APOL3: variants seen among roughly 807,000 people sequenced by gnomAD.
APOL3 encodes TNF-inducible protein CG12-1.
APOL3 carries 14 observed loss-of-function variants against 11.6 expected under a neutral mutation model. That is an observed-to-expected ratio of 1.21 (90% CI 0.80 to 1.89). The LOEUF (loss-of-function observed/expected upper bound fraction) is 1.89, where lower values mean the gene tolerates loss of function less well. Ranked by LOEUF, APOL3 falls within the 40% of genes most tolerant of loss-of-function variation. APOL3 has a pLI of 0.00. For synonymous variants in APOL3, 192 were observed against 190.6 expected (o/e 1.01, Z -0.06); for missense variants, 483 against 492.1 (o/e 0.98, Z 0.17).
intron 1 of APOL3, among the ~76,000 whole-genome samples, chr22:36,150,377 T>C (rs1279035205): frequency 1.3e-5 from 2 of 152,194 alleles, no homozygotes. Flanking sequence ...TAAGATGTTA[T>C]AAATAATAAC....
At chr22:36,160,039 G>A (rs966474252) in intron 1 of APOL3, among the ~76,000 whole-genome samples, 1 of 152,028 alleles carries the variant, frequency 6.6e-6, no homozygotes, top group African/African-American at 2.4e-5. Flanking sequence ...GTGCCACCAC[G>A]CCCAGCTAAT....
exon 3 of APOL3, chr22:36,141,281 C>T: frequency 6.2e-7 from 1 of 1,614,162 alleles, no homozygotes; most frequent in Non-Finnish European, 8.5e-7. Context: ...GAGCCTGCCG[C>T]CTCAGCTCCT....
chr22:36,154,148 A>G (rs2012317237), intron 1 of APOL3, among the ~76,000 whole-genome samples: 1 of 152,212 alleles, frequency 6.6e-6, no homozygotes, highest in Non-Finnish European at 1.5e-5. Flanking sequence ...AATGCCAGAG[A>G]GGCATAATGA....
At chr22:36,160,901 A>C (rs2013655309) in exon 1 of APOL3, 1 of 1,612,062 alleles carries the variant, frequency 6.2e-7, no homozygotes, top group Non-Finnish European at 8.5e-7. Flanking sequence ...TCCTTGGTCC[A>C]GCAGCACCCT....
rs748753968 is a variant in APOL3, at chr22:36,141,553, C to T, written c.856G>A (p.Glu286Lys). 12 of 1,614,052 alleles carry T rather than the reference C, an allele frequency of 7.4e-6. No individual in the cohort carries two copies. The highest frequency in any genetic ancestry group is 2.2e-5 in the East Asian group (1 of 44,886). ...TCACTCCCAATGGTTTGTGTGGCTT[C>T]GTAATAATTATTAAGAAGGGAAAGT... The change falls in exon 3 of 3, where the codon GAA (glutamate) becomes AAA (lysine). Residue 286 changes from glutamate to lysine, a missense_variant. Glu to Lys is a moderately conservative substitution (Grantham distance 56, BLOSUM62 1). Coordinates refer to ENST00000349314, the Ensembl canonical transcript of APOL3.
At chr22:36,155,908 CT>C in intron 1 of APOL3, 1 of 172,840 alleles carries the variant, frequency 5.8e-6, no homozygotes. Flanking sequence ...CGGAAAGGGA[CT>C]TTAGTTCCTG....
intron 2 of APOL3, among the ~76,000 whole-genome samples, chr22:36,144,279 T>C (rs375406169): frequency 6.6e-6 from 1 of 152,156 alleles, no homozygotes; most frequent in Admixed American, 6.5e-5. Context: ...GCCTTCCTGC[T>C]GCTCCTCCAA....
At chr22:36,146,230 A>C (rs1190741687) in intron 1 of APOL3, 1 of 152,080 alleles carries the variant, frequency 6.6e-6, no homozygotes, top group African/African-American at 2.4e-5. Context: ...TCCTGAGAAG[A>C]GTGATTCACC....
chr22:36,163,813 G>A (rs1334320158), upstream of APOL3, among the ~76,000 whole-genome samples: 1 of 152,366 alleles, frequency 6.6e-6, no homozygotes, highest in East Asian at 1.9e-4. Flanking sequence ...AAACCACAGA[G>A]GGCTGCCCAA....
intron 2 of APOL3, 89 bp from the exon 4 acceptor site, chr22:36,142,147 A>G (rs2060021351): frequency 7.2e-7 from 1 of 1,380,832 alleles, no homozygotes; most frequent in East Asian, 2.3e-5. Context: ...TAAATCACAG[A>G]GCTATTACTA....
intron 1 of APOL3, 89 bp from the exon 3 acceptor site, chr22:36,145,688 C>T: frequency 2.7e-6 from 4 of 1,505,588 alleles, no homozygotes; most frequent in Non-Finnish European, 3.6e-6. Flanking sequence ...GTTAATCCTC[C>T]TCAACCAGCT....
chr22:36,160,533 C>G, intron 1 of APOL3, 136 bp downstream of exon 1: 1 of 884,796 alleles, frequency 1.1e-6, no homozygotes, highest in Admixed American at 2.4e-5. Flanking sequence ...AATTCAGGCT[C>G]TGCCATGGAC....
chr22:36,155,461 C>G (rs1418706448), intron 1 of APOL3, among the ~76,000 whole-genome samples: 1 of 152,154 alleles, frequency 6.6e-6, no homozygotes, highest in Admixed American at 6.5e-5. Context: ...ATCCAGGTGT[C>G]TATTGTCTGG....
exon 3 of APOL3, chr22:36,141,062 A>G: frequency 7.6e-7 from 1 of 1,313,628 alleles, no homozygotes; most frequent in Non-Finnish European, 1.0e-6. Flanking sequence ...TGCTGTGCTC[A>G]GCTACAGAAA....
At chr22:36,144,694 T>A (rs1312006184) in intron 2 of APOL3, among the ~76,000 whole-genome samples, 2 of 152,052 alleles carry the variant, frequency 1.3e-5, no homozygotes, top group African/African-American at 4.8e-5. Flanking sequence ...TCAAAGAAAG[T>A]CCTGCTGGGC....
intron 1 of APOL3, among the ~76,000 whole-genome samples, chr22:36,158,767 G>A (rs1169888104): frequency 6.6e-6 from 1 of 152,080 alleles, no homozygotes; most frequent in African/African-American, 2.4e-5. Flanking sequence ...GCAGTGAGCC[G>A]ATGGTGCTAC....
At chr22:36,147,531 C>T (rs1039938254) in intron 1 of APOL3, among the ~76,000 whole-genome samples, 3 of 152,230 alleles carry the variant, frequency 2.0e-5, no homozygotes, top group Non-Finnish European at 4.4e-5. Flanking sequence ...TCCCTGCCCT[C>T]TCCTCATCTT....
intron 1 of APOL3, 160 bp from the exon 2 acceptor site, chr22:36,149,302 A>T (rs1288566003): frequency 1.5e-6 from 2 of 1,305,918 alleles, no homozygotes; most frequent in Non-Finnish European, 2.0e-6. Context: ...GCCAGCTGGT[A>T]TTTAGAGAAA....
intron 1 of APOL3, among the ~76,000 whole-genome samples, chr22:36,145,980 T>TTCTCTCTCTCTCTCTCTCTCTCTCTCTC (rs71193207): frequency 4.2e-5 from 5 of 118,764 alleles, no homozygotes; most frequent in South Asian, 7.1e-4. Flanking sequence ...CTGTCTCTCT[T>TTCTCTCTCTCTCTCTCTCTCTCTCTCTC]TCTCTCTCTC....
Sources: allele counts gnomAD v4.1 joint callset (sites outside exome capture counted in the v4.1 genomes callset), GRCh38; gene constraint gnomAD v4.1.1; transcripts MANE v1.5; gene names NCBI Gene and HGNC (gene_info 2026-07-23, HGNC 2026-07-21).